GABRA1: variants seen among roughly 807,000 people sequenced by gnomAD.
The protein encoded by GABRA1 is gamma-aminobutyric acid receptor subunit alpha-1.
A neutral mutation model predicts 48.9 loss-of-function variants in GABRA1; 9 were observed. That is an observed-to-expected ratio of 0.18 (90% confidence interval 0.11 to 0.32). The LOEUF (loss-of-function observed/expected upper bound fraction) is 0.32, where lower values mean the gene tolerates loss of function less well. Ranked by LOEUF, GABRA1 falls within the 10% of genes least tolerant of loss-of-function variation. GABRA1 has a pLI of 1.00. For missense variants in GABRA1, 285 were observed against 553.8 expected, an observed-to-expected ratio of 0.51 and a Z score of 4.87; for synonymous variants, 210 against 198.7, an observed-to-expected ratio of 1.06 and a Z score of -0.48.
intron 1 of GABRA1, chr5:161,850,322 G>A: frequency 3.5e-6 from 1 of 285,462 alleles, no homozygotes; most frequent in Non-Finnish European, 6.4e-6. Context: ...GAGGAATTCA[G>A]CCATCACAAC....
chr5:161,884,115 CAG>C (rs775374413), intron 7 of GABRA1, among the ~76,000 whole-genome samples: 26 of 151,994 alleles, frequency 1.7e-4, no homozygotes, highest in Admixed American at 1.2e-3. Context: ...TAAAATATTG[CAG>C]AGTGTTATAT....
At chr5:161,895,249 A>T (rs146931170) in intron 8 of GABRA1, among the ~76,000 whole-genome samples, 63 of 152,256 alleles carry the variant, frequency 4.1e-4, no homozygotes, top group African/African-American at 1.5e-3. Context: ...TATTTGGGGT[A>T]CATAGAATAT....
chr5:161,853,255 A>G (rs543879621), intron 2 of GABRA1, among the ~76,000 whole-genome samples: 8 of 151,920 alleles, frequency 5.3e-5, no homozygotes, highest in African/African-American at 1.7e-4. Context: ...TGAGGTCACT[A>G]TGTGGTCGAA....
chr5:161,877,266 C>T (rs977348855), intron 6 of GABRA1, among the ~76,000 whole-genome samples: 2 of 152,100 alleles, frequency 1.3e-5, no homozygotes, highest in African/African-American at 4.8e-5. Flanking sequence ...CTAATAATTC[C>T]CCCTTTTATC....
At chr5:161,855,312 C>T (rs1398078929) in intron 3 of GABRA1, among the ~76,000 whole-genome samples, 1 of 151,564 alleles carries the variant, frequency 6.6e-6, no homozygotes, top group Non-Finnish European at 1.5e-5. Flanking sequence ...ATATTTTGCA[C>T]AGTATAATGA....
chr5:161,849,199 G>T (rs1314640389), intron 1 of GABRA1, among the ~76,000 whole-genome samples: 1 of 152,272 alleles, frequency 6.6e-6, no homozygotes. Context: ...AAAAATGTCA[G>T]AAGAGGGCAA....
chr5:161,880,077 G>A (rs1257324121), intron 6 of GABRA1, among the ~76,000 whole-genome samples: 1 of 152,106 alleles, frequency 6.6e-6, no homozygotes, highest in East Asian at 1.9e-4. Flanking sequence ...GTTTTGCCTA[G>A]AAAAACACTT....
intron 6 of GABRA1, chr5:161,881,620 T>A (rs1358027655): frequency 1.3e-5 from 2 of 152,140 alleles, no homozygotes; most frequent in Admixed American, 1.3e-4. Flanking sequence ...CCAGTGATTT[T>A]TACATTTATC....
chr5:161,858,888 G>C (rs1757748972), intron 3 of GABRA1, among the ~76,000 whole-genome samples: 2 of 151,660 alleles, frequency 1.3e-5, no homozygotes, highest in Admixed American at 1.3e-4. Context: ...CCCATCAAAA[G>C]TTTTGTCCTC....
At chr5:161,869,777 G>T (rs888897052) in intron 4 of GABRA1, among the ~76,000 whole-genome samples, 1 of 152,132 alleles carries the variant, frequency 6.6e-6, no homozygotes, top group Non-Finnish European at 1.5e-5. Flanking sequence ...TCACTTGAGT[G>T]GTGGGGGCTG....
intron 9 of GABRA1, 28 bp from the exon 10 acceptor site, chr5:161,897,083 C>G: frequency 6.2e-7 from 1 of 1,610,656 alleles, no homozygotes; most frequent in Non-Finnish European, 8.5e-7. Context: ...GTTTACTAAA[C>G]AAAATGCATT....
At chr5:161,875,697 C>G (rs1482309490) in intron 6 of GABRA1, 55 bp downstream of exon 6, 2 of 1,281,946 alleles carry the variant, frequency 1.6e-6, no homozygotes, top group East Asian at 2.3e-5. Context: ...CAAGAGATCT[C>G]TAGCTATATC....
At chr5:161,850,918 T>C in intron 2 of GABRA1, 34 bp downstream of exon 2, 1 of 1,539,516 alleles carries the variant, frequency 6.5e-7, no homozygotes, top group Non-Finnish European at 9.0e-7. Context: ...TGCATGAAAA[T>C]TTCTGTAACT....
At chr5:161,889,655 A>C (rs1194194500) in intron 7 of GABRA1, among the ~76,000 whole-genome samples, 1 of 152,098 alleles carries the variant, frequency 6.6e-6, no homozygotes, top group Non-Finnish European at 1.5e-5. Context: ...TATGCTATGC[A>C]TACTCTTAAA....
chr5:161,857,183 C>T (rs542726229), intron 3 of GABRA1, among the ~76,000 whole-genome samples: 8 of 151,334 alleles, frequency 5.3e-5, no homozygotes, highest in Non-Finnish European at 1.2e-4. Context: ...TTTCCTCTTG[C>T]AACATAAAGG....
intron 8 of GABRA1, among the ~76,000 whole-genome samples, chr5:161,892,886 C>T (rs983163522): frequency 2.0e-5 from 3 of 151,772 alleles, no homozygotes; most frequent in Non-Finnish European, 2.9e-5. Context: ...TGCCTGTAGT[C>T]TCAGCTACTC....
At chr5:161,874,444 T>A (rs570450679) in intron 5 of GABRA1, among the ~76,000 whole-genome samples, 3 of 144,370 alleles carry the variant, frequency 2.1e-5, no homozygotes, top group African/African-American at 8.2e-5. Flanking sequence ...ATTTGAAATA[T>A]TCCCCCCTGA....
At chr5:161,875,802 T>C in intron 6 of GABRA1, among the ~76,000 whole-genome samples, 160 bp downstream of exon 6, 1 of 152,180 alleles carries the variant, frequency 6.6e-6, no homozygotes, top group East Asian at 1.9e-4. Context: ...ACTTCACTTT[T>C]TAATGTTGCT....
chr5:161,887,679 G>A (rs1754908988), intron 7 of GABRA1, among the ~76,000 whole-genome samples: 1 of 152,106 alleles, frequency 6.6e-6, no homozygotes. Context: ...TACTTGGAAG[G>A]AAAATGACAG....
Sources: gnomAD v4.1 joint callset for allele counts (sites outside exome capture counted in the v4.1 genomes callset) on GRCh38, gnomAD v4.1.1 for gene constraint, MANE v1.5 for transcripts, NCBI Gene and HGNC (gene_info 2026-07-23, HGNC 2026-07-21) for gene names.